Variants in DLG2 observed in about 807,000 individuals in gnomAD.
The protein encoded by DLG2 is discs large MAGUK scaffold protein 2.
Under a neutral mutation model 132.5 loss-of-function variants are expected in DLG2, and 45 were observed. The ratio of observed to expected loss-of-function variants is 0.34; its 90% CI spans 0.27 to 0.44. DLG2 has a LOEUF of 0.44. DLG2 is among the 20% of genes least tolerant of loss of function. The probability of loss-of-function intolerance (pLI) is 1.00; values close to 1 mark genes in which losing one functional copy is unlikely to be tolerated. For synonymous variants in DLG2, 424 were observed against 419.6 expected (o/e 1.01, Z -0.13); for missense variants, 1,045 against 1,196.9 (o/e 0.87, Z 1.87).
At chr11:84,872,610 G>A (rs146969265) in intron 6 of DLG2, among the ~76,000 whole-genome samples, 1 of 152,290 alleles carries the variant, frequency 6.6e-6, no homozygotes, top group East Asian at 1.9e-4. Flanking sequence ...CATTTAGGTT[G>A]TATCTTGAAA....
chr11:83,787,859 T>G (rs1437053725), intron 17 of DLG2, among the ~76,000 whole-genome samples: 1 of 152,166 alleles, frequency 6.6e-6, no homozygotes, highest in Non-Finnish European at 1.5e-5. Context: ...CTTGAATCAG[T>G]TCAGCCTAAG....
intron 6 of DLG2, chr11:84,545,298 G>A: frequency 2.0e-6 from 1 of 504,888 alleles, no homozygotes; most frequent in South Asian, 1.5e-5. Flanking sequence ...GATTGTTGTA[G>A]CTGCCAAAAT....
Position 85,147,756 on chromosome 11 carries a change from T to C in DLG2, c.282+6800A>G, listed in dbSNP as rs111578650. 3.0e-3 allele frequency among the ~76,000 whole-genome samples: 436 copies of C among 143,304 alleles called. 3 individuals are homozygous for C. The highest frequency in any genetic ancestry group is 0.011 in the African/African-American group (423 of 38,364). 94.0% of individuals were successfully genotyped at this position (143,304 alleles called of 152,430 possible). ...AATATTCTTTTATTTTATTTTATTTTACTTTATGTTCCAGGATACAGACGC... is the reference window on the plus strand; with the variant it reads ...AATATTCTTTTATTTTATTTTATTTCACTTTATGTTCCAGGATACAGACGC... On this transcript the variant is annotated intron_variant, in intron 5 of 27. Transcript: ENST00000376104.
At chr11:84,995,449 C>T (rs184204875) in intron 6 of DLG2, among the ~76,000 whole-genome samples, 20 of 152,266 alleles carry the variant, frequency 1.3e-4, no homozygotes, top group Admixed American at 5.2e-4. Context: ...TCTTGTTAAG[C>T]ATTAAAGTCA....
At chr11:85,055,000 C>G (rs921237311) in intron 6 of DLG2, among the ~76,000 whole-genome samples, 2 of 151,954 alleles carry the variant, frequency 1.3e-5, no homozygotes, top group Admixed American at 1.3e-4. Context: ...CATGTGTAAC[C>G]CTGAATCTAA....
intron 3 of DLG2, among the ~76,000 whole-genome samples, chr11:85,542,329 C>A (rs116040843): frequency 7.9e-5 from 12 of 152,030 alleles, no homozygotes; most frequent in Non-Finnish European, 1.8e-4. Context: ...AACTCCCCCA[C>A]GGACCAACAA....
intron 19 of DLG2, among the ~76,000 whole-genome samples, chr11:83,544,043 A>G (rs1463000387): frequency 6.6e-6 from 1 of 152,192 alleles, no homozygotes; most frequent in Admixed American, 6.5e-5. Context: ...ACCAGCCCCC[A>G]GTAAACCTGG....
At chr11:84,566,232 A>G (rs184202946) in intron 6 of DLG2, among the ~76,000 whole-genome samples, 201 of 152,116 alleles carry the variant, frequency 1.3e-3, no homozygotes, top group Non-Finnish European at 2.2e-3. Context: ...CAAAGTGCTG[A>G]GATTACAGGC....
chr11:85,189,024 TATCC>T lies in DLG2; in HGVS notation c.187-34377_187-34374del, dbSNP rs1290626425. Among the ~76,000 whole-genome samples, 57 of 152,168 alleles carry T rather than the reference TATCC, an allele frequency of 3.7e-4. 1 individual carries two copies. Among genetic ancestry groups the T allele is most frequent in the African/African-American group, 1.3e-3 (56 of 41,528 alleles). On this transcript the variant is annotated intron_variant, in intron 4 of 27. Transcript: ENST00000376104. ...CCAGAATAGAAAAAATGCAAAGCAA[TATCC>T]ATCTAAATACATCACAGAAAAACTG...
chr11:83,512,821 T>C (rs1001297905), intron 21 of DLG2, among the ~76,000 whole-genome samples: 13 of 152,112 alleles, frequency 8.5e-5, no homozygotes, highest in Admixed American at 3.3e-4. Flanking sequence ...CTGAGAATGA[T>C]GGTTTCCAGC....
chr11:84,663,640 T>C (rs992867300), intron 6 of DLG2, among the ~76,000 whole-genome samples: 10 of 152,164 alleles, frequency 6.6e-5, no homozygotes, highest in African/African-American at 1.7e-4. Context: ...TTTATGACTA[T>C]TTACTTGGCA....
At chr11:85,097,304 C>T (rs1234064604) in intron 6 of DLG2, among the ~76,000 whole-genome samples, 2 of 152,140 alleles carry the variant, frequency 1.3e-5, no homozygotes, top group Admixed American at 6.5e-5. Context: ...CCCAAAGCCC[C>T]GTCAGGCAGG....
At position 83,518,646 on chromosome 11, in the gene DLG2, G is replaced by C. The variant is rs139128457; in HGVS notation, c.2193+14062C>G. 2.0e-3 allele frequency among the ~76,000 whole-genome samples: 309 copies of C among 152,288 alleles called. 2 individuals are homozygous for C. Among genetic ancestry groups the C allele is most frequent in the African/African-American group, 6.9e-3 (287 of 41,548 alleles). On this transcript the variant is annotated intron_variant, in intron 21 of 27. Coordinates refer to ENST00000376104, the MANE Select transcript of DLG2 (RefSeq NM_001142699.3). ...ATGCTGGGAGCTGTAGACTGGAGCT[G>C]TTCCTATTCGGCCATCTTCTAACCA...
At chr11:83,772,934 G>C (rs929502111) in intron 18 of DLG2, among the ~76,000 whole-genome samples, 1 of 152,174 alleles carries the variant, frequency 6.6e-6, no homozygotes, top group African/African-American at 2.4e-5. Flanking sequence ...TGACTTCTCA[G>C]TGTACACATT....
At chr11:83,465,086 A>G (rs729828) in intron 26 of DLG2, among the ~76,000 whole-genome samples, 2,073 of 152,152 alleles carry the variant, frequency 0.014, 18 homozygotes, top group Middle Eastern at 0.037. Context: ...ATTAGTACAT[A>G]TTTTTCCATG....
intron 3 of DLG2, among the ~76,000 whole-genome samples, chr11:85,473,538 A>G (rs1160441047): frequency 6.6e-6 from 1 of 152,218 alleles, no homozygotes; most frequent in Non-Finnish European, 1.5e-5. Flanking sequence ...GAAGAAATAA[A>G]TTAGCAAATA....
At chr11:83,968,458 C>A (rs1320414313) in intron 12 of DLG2, among the ~76,000 whole-genome samples, 5 of 152,130 alleles carry the variant, frequency 3.3e-5, no homozygotes, top group African/African-American at 4.8e-5. Flanking sequence ...ATTCACTGAT[C>A]AAATGTTTAC....
At chr11:84,500,088 C>T (rs1229004621) in intron 7 of DLG2, among the ~76,000 whole-genome samples, 1 of 151,624 alleles carries the variant, frequency 6.6e-6, no homozygotes, top group Non-Finnish European at 1.5e-5. Context: ...AGGAAAGACA[C>T]AAGTAAAAAT....
intron 9 of DLG2, among the ~76,000 whole-genome samples, chr11:84,102,366 C>T (rs963890711): frequency 6.6e-6 from 1 of 151,882 alleles, no homozygotes. Flanking sequence ...AATGAAGTAA[C>T]AGAAAAACAA....
Sources: allele counts gnomAD v4.1 joint callset (sites outside exome capture counted in the v4.1 genomes callset), GRCh38; gene constraint gnomAD v4.1.1; transcripts MANE v1.5; gene names NCBI Gene and HGNC (gene_info 2026-07-23, HGNC 2026-07-21).